The following SAMM50 variants were observed in gnomAD, a reference collection of about 807,000 sequenced individuals.
SAMM50 encodes sorting and assembly machinery component 50 homolog.
In SAMM50, 47 loss-of-function variants were observed where a neutral mutation model predicts 66.9. The ratio of observed to expected loss-of-function variants is 0.70; its 90% CI spans 0.56 to 0.90. The LOEUF is 0.90. Among genes scored for constraint, SAMM50 ranks in the 40% least tolerant of loss-of-function variants. The pLI is 0.00. For missense variants in SAMM50, 535 were observed against 595.3 expected, an observed-to-expected ratio of 0.90 and a Z score of 1.05; for synonymous variants, 191 against 214.1, an observed-to-expected ratio of 0.89 and a Z score of 0.94.
chr22:43,976,262 T>C (rs753394378), intron 8 of SAMM50, 79 bp downstream of exon 8: 57 of 1,511,958 alleles, frequency 3.8e-5, no homozygotes, highest in Non-Finnish European at 5.0e-5. Flanking sequence ...TCTTTGCCAA[T>C]ATCAGGGCTG....
intron 1 of SAMM50, among the ~76,000 whole-genome samples, chr22:43,955,953 C>T (rs2050117149): frequency 6.6e-6 from 1 of 152,226 alleles, no homozygotes; most frequent in Admixed American, 6.5e-5. Flanking sequence ...TTTCCCCGCT[C>T]AGCCGCTGCT....
chr22:43,967,275 C>T (rs146177664), intron 3 of SAMM50, among the ~76,000 whole-genome samples: 6 of 152,340 alleles, frequency 3.9e-5, no homozygotes, highest in Non-Finnish European at 5.9e-5. Flanking sequence ...GCCGACTCAT[C>T]GTTTCCTCAT....
intron 3 of SAMM50, among the ~76,000 whole-genome samples, chr22:43,965,786 G>A (rs969471388): frequency 6.6e-6 from 1 of 151,760 alleles, no homozygotes; most frequent in African/African-American, 2.4e-5. Context: ...GTACATACCA[G>A]TCTGTTGGCT....
intron 14 of SAMM50, among the ~76,000 whole-genome samples, chr22:43,993,186 C>T (rs1410316713): frequency 6.6e-6 from 1 of 152,118 alleles, no homozygotes; most frequent in Non-Finnish European, 1.5e-5. Flanking sequence ...ACTGCAGGCC[C>T]GGGGCTGGAG....
chr22:43,957,611 C>T (rs1020178672), intron 1 of SAMM50, among the ~76,000 whole-genome samples: 3 of 152,152 alleles, frequency 2.0e-5, no homozygotes, highest in African/African-American at 4.8e-5. Flanking sequence ...TTAGTAGAGA[C>T]GGGGGTTTCA....
chr22:43,968,587 T>C (rs1434053105), intron 3 of SAMM50, 144 bp from the exon 4 acceptor site: 4 of 620,748 alleles, frequency 6.4e-6, no homozygotes, highest in Non-Finnish European at 1.2e-5. Context: ...CCTTCTGTCA[T>C]GTGGCTGGTC....
Position 43,989,136 on chromosome 22 carries a change from C to G in SAMM50, c.1101C>G (p.Tyr367Ter). The G allele has an allele frequency of 1.2e-6, 2 of 1,614,046 alleles. No homozygotes were observed. The highest frequency in any genetic ancestry group is 8.5e-7 in the Non-Finnish European group (1 of 1,180,002). Reference sequence around the variant, plus strand: ...GAGACTACCTAGGTGGAGAAGCGTACTGGGCCGGCGGCCTGCACCTCTACA... The same window carrying G: ...GAGACTACCTAGGTGGAGAAGCGTAGTGGGCCGGCGGCCTGCACCTCTACA... The part of the protein sequence containing the change: ...SEGDYLGGEA[Y>*]WAGGLHLYTP... Residue 367 changes from tyrosine to a stop codon, truncating the protein, a stop_gained, in exon 13 of 15, where the codon TAC becomes TAG. Coordinates refer to ENST00000350028, the MANE Select transcript of SAMM50 (RefSeq NM_015380.5). LOFTEE classifies it high-confidence loss of function.
intron 11 of SAMM50, among the ~76,000 whole-genome samples, chr22:43,982,548 C>A (rs2050269955): frequency 6.6e-6 from 1 of 152,212 alleles, no homozygotes; most frequent in Non-Finnish European, 1.5e-5. Context: ...GCCTGGGATG[C>A]AGCAGGCAGA....
chr22:43,956,615 A>AATC (rs1446199457), intron 1 of SAMM50, among the ~76,000 whole-genome samples: 1 of 152,178 alleles, frequency 6.6e-6, no homozygotes, highest in Non-Finnish European at 1.5e-5. Flanking sequence ...GAACGAGGAG[A>AATC]TGGGAAAAGA....
intron 12 of SAMM50, chr22:43,988,663 C>G (rs1332407622): frequency 2.0e-5 from 3 of 153,528 alleles, no homozygotes; most frequent in African/African-American, 7.2e-5. Flanking sequence ...TTTGATTAAT[C>G]ATGTGCAGCT....
At chr22:43,982,792 C>T (rs4823183) in intron 11 of SAMM50, among the ~76,000 whole-genome samples, 10 of 152,038 alleles carry the variant, frequency 6.6e-5, no homozygotes, top group African/African-American at 1.9e-4. Flanking sequence ...CCCGGCACCA[C>T]GCCCAGCTAA....
In SAMM50 at chr22:43,977,864, C is replaced by T. The variant is rs201613570; in HGVS notation, c.850-8C>T. The T allele has an allele frequency of 1.2e-6, 2 of 1,608,736 alleles. No individual in the cohort carries two copies. Among genetic ancestry groups the T allele is most frequent in the Non-Finnish European group, 1.7e-6 (2 of 1,175,316 alleles). On this transcript the variant is annotated splice_region_variant and splice_polypyrimidine_tract_variant and intron_variant, in intron 9 of 14. Coordinates refer to ENST00000350028, the MANE Select transcript of SAMM50 (RefSeq NM_015380.5). ...GCTCCCTTTGACCTGAGTGCTCCTT[C>T]CCTGCAGGAACTGGCAGGCTACACT...
rs1458333095 is a variant in SAMM50 at position 43,983,921 on chromosome 22, G to A, written c.1008-12G>A. 3.7e-6 allele frequency: 6 copies of A among 1,602,904 alleles called. No individual in the cohort carries two copies. In the African/African-American group the frequency reaches 4.0e-5, roughly 11 times the overall value. On this transcript the variant is annotated splice_polypyrimidine_tract_variant and intron_variant, in intron 11 of 14. Coordinates refer to ENST00000350028, the MANE Select transcript of SAMM50 (RefSeq NM_015380.5). The surrounding 1 kb of genome is among the most constrained non-coding windows in gnomAD (Gnocchi z 4.2). ...CTGACTTTCCTCTGACCTGTGTGCTGTTTTGTCCTAGGTTTTACCTTGGGG... is the reference window on the plus strand; with the variant it reads ...CTGACTTTCCTCTGACCTGTGTGCTATTTTGTCCTAGGTTTTACCTTGGGG...
At chr22:43,995,591 G>C (rs1603420813) in intron 14 of SAMM50, 1 of 152,474 alleles carries the variant, frequency 6.6e-6, no homozygotes. Context: ...GCTGTCAGGG[G>C]GACAGGCTGC....
In SAMM50 at chr22:43,961,822, A is replaced by G. The variant is rs377751445; in HGVS notation, c.22-1464A>G. 4.1e-4 allele frequency among the ~76,000 whole-genome samples: 62 copies of G among 152,270 alleles called. 1 individual carries two copies. In the South Asian group the frequency reaches 0.011, roughly 27 times the overall value. On this transcript the variant is annotated intron_variant, in intron 1 of 14. Coordinates refer to ENST00000350028, the MANE Select transcript of SAMM50 (RefSeq NM_015380.5). ...GATCTTGAACTCTTGGGCTCAAGCA[A>G]TCCTCCCATCTGGGCCTCTCAGAGT...
At chr22:43,968,240 A>G (rs1033321586) in intron 3 of SAMM50, among the ~76,000 whole-genome samples, 14 of 144,498 alleles carry the variant, frequency 9.7e-5, no homozygotes, top group African/African-American at 3.7e-4. Flanking sequence ...AAAAAAAAAA[A>G]AAAAAAAGAA....
chr22:43,976,018 GT>G, intron 7 of SAMM50, 36 bp from the exon 8 acceptor site: 1 of 1,583,266 alleles, frequency 6.3e-7, no homozygotes. Flanking sequence ...TCCTAAGTAT[GT>G]GTGGTCCGGA....
intron 14 of SAMM50, chr22:43,996,057 GA>G (rs1261083810): frequency 4.0e-6 from 2 of 498,076 alleles, no homozygotes; most frequent in African/African-American, 3.8e-5. Context: ...CCGGAGAGGG[GA>G]ACGTGAAGGA....
rs187221539 is a variant in SAMM50 at position 43,960,453 on chromosome 22, G to A, written c.22-2833G>A. 2.4e-3 allele frequency among the ~76,000 whole-genome samples: 361 copies of A among 152,268 alleles called. 1 individual carries two copies. The highest frequency in any genetic ancestry group is 8.5e-3 in the African/African-American group (354 of 41,546). ...CAGATAAAAATAAGAAACAGGTCAG[G>A]CGCAGTGGTTCACGCCTGTAATCCC... On this transcript the variant is annotated intron_variant, in intron 1 of 14. Transcript: ENST00000350028.
Sources: allele counts gnomAD v4.1 joint callset (sites outside exome capture counted in the v4.1 genomes callset), GRCh38; gene constraint gnomAD v4.1.1; non-coding constraint Gnocchi (gnomAD v3.1); transcripts MANE v1.5; gene names NCBI Gene and HGNC (gene_info 2026-07-23, HGNC 2026-07-21).